The following RBX1 variants were observed in gnomAD, a reference collection of about 807,000 sequenced individuals.
RBX1 encodes the protein ring-box 1, also known as E3 ubiquitin-protein ligase RBX1.
For synonymous variants in RBX1, 48 were observed against 47.9 expected, an observed-to-expected ratio of 1.00 and a Z score of -0.01; for missense variants, 46 against 141.4, an observed-to-expected ratio of 0.33 and a Z score of 3.42.
chr22:40,954,960 T>G (rs933052737), intron 2 of RBX1, among the ~76,000 whole-genome samples: 2 of 152,116 alleles, frequency 1.3e-5, no homozygotes, highest in Non-Finnish European at 2.9e-5. Context: ...CTAATTTTTG[T>G]ATTTTTAGTA....
chr22:40,969,783 A>C (rs1312088297), intron 4 of RBX1, among the ~76,000 whole-genome samples: 2 of 151,702 alleles, frequency 1.3e-5, no homozygotes, highest in African/African-American at 2.4e-5. Context: ...CAGTTACTCC[A>C]GAGGCTGAGG....
At chr22:40,958,071 T>A (rs1601535540) in intron 2 of RBX1, among the ~76,000 whole-genome samples, 1 of 152,096 alleles carries the variant, frequency 6.6e-6, no homozygotes, top group East Asian at 1.9e-4. Context: ...TGATCACCCA[T>A]CTCGGCCCCC....
At chr22:40,968,960 CTT>C (rs751505007) in intron 4 of RBX1, among the ~76,000 whole-genome samples, 3 of 150,722 alleles carry the variant, frequency 2.0e-5, no homozygotes, top group Non-Finnish European at 2.9e-5. Context: ...TGTACCTTAA[CTT>C]TTTTCTTTTC....
chr22:40,972,532 T>A lies in RBX1; in HGVS notation c.*44T>A. The A allele has an allele frequency of 6.5e-7, 1 of 1,534,452 alleles. No homozygotes were observed. The highest frequency in any genetic ancestry group is 9.0e-7 in the Non-Finnish European group (1 of 1,108,226). On this transcript the variant is annotated 3_prime_UTR_variant, in exon 5 of 5. Transcript: ENST00000216225. Reference sequence around the variant, plus strand: ...AAGCTTAATTGTTTTGTTATTCATTTAATGACTTTCCCTGCTGTTACCTAA... The same window carrying A: ...AAGCTTAATTGTTTTGTTATTCATTAAATGACTTTCCCTGCTGTTACCTAA...
chr22:40,958,218 C>A (rs904650704), intron 2 of RBX1, among the ~76,000 whole-genome samples: 1 of 151,780 alleles, frequency 6.6e-6, no homozygotes, highest in African/African-American at 2.4e-5. Flanking sequence ...CCTTGCCCTT[C>A]CAAAACACTG....
intron 1 of RBX1, among the ~76,000 whole-genome samples, chr22:40,951,819 G>T (rs1601532944): frequency 6.9e-6 from 1 of 145,008 alleles, no homozygotes; most frequent in African/African-American, 2.5e-5. Flanking sequence ...GGTGGGGTGG[G>T]TGGAATGGGG....
intron 4 of RBX1, among the ~76,000 whole-genome samples, chr22:40,971,648 C>G (rs778901423): frequency 2.0e-5 from 3 of 151,876 alleles, no homozygotes; most frequent in Non-Finnish European, 2.9e-5. Flanking sequence ...CCTCCAACTC[C>G]CGGGTTGAAG....
chr22:40,953,686 G>A (rs1176931015), intron 2 of RBX1, 53 bp downstream of exon 2: 3 of 1,290,900 alleles, frequency 2.3e-6, no homozygotes, highest in Non-Finnish European at 3.4e-6. Flanking sequence ...AGAGATTGTG[G>A]CTATCTTGAT....
chr22:40,951,921 C>A (rs1224716286), intron 1 of RBX1, among the ~76,000 whole-genome samples: 1 of 151,974 alleles, frequency 6.6e-6, no homozygotes, highest in African/African-American at 2.4e-5. Context: ...TGAGGACCCC[C>A]CTTGGTGATC....
intron 4 of RBX1, among the ~76,000 whole-genome samples, chr22:40,968,118 T>G (rs2058359114): frequency 7.6e-6 from 1 of 132,288 alleles, no homozygotes; most frequent in Non-Finnish European, 1.6e-5. Flanking sequence ...TGAGACGGAG[T>G]CTCGCTTTGT....
At chr22:40,961,616 G>T (rs948250169) in intron 2 of RBX1, among the ~76,000 whole-genome samples, 1 of 151,834 alleles carries the variant, frequency 6.6e-6, no homozygotes, top group African/African-American at 2.4e-5. Flanking sequence ...ATGTTAGCCA[G>T]GATGGGCTCG....
At chr22:40,952,982 CCTTTTTTTTTT>C (rs2058315387) in intron 1 of RBX1, among the ~76,000 whole-genome samples, 1 of 130,094 alleles carries the variant, frequency 7.7e-6, no homozygotes, top group African/African-American at 2.9e-5. Flanking sequence ...AAGTTTGTGC[CCTTTTTTTTTT>C]TTTTTTTTTT....
chr22:40,956,128 TA>T (rs1448366446), intron 2 of RBX1, among the ~76,000 whole-genome samples: 1 of 152,158 alleles, frequency 6.6e-6, no homozygotes, highest in Non-Finnish European at 1.5e-5. Flanking sequence ...ATGTACTTCT[TA>T]AAAGGACCAC....
intron 2 of RBX1, among the ~76,000 whole-genome samples, chr22:40,954,555 A>G (rs1231521048): frequency 6.6e-6 from 1 of 152,166 alleles, no homozygotes; most frequent in Non-Finnish European, 1.5e-5. Context: ...CACACCAGGA[A>G]CAGTTGAGGT....
At position 40,951,420 on chromosome 22, in the gene RBX1, G is replaced by T; in HGVS notation, c.22G>T (p.Asp8Tyr). The change falls in exon 1 of 5, where the codon GAT (aspartate) becomes TAT (tyrosine). Residue 8 changes from aspartate to tyrosine, a missense_variant. By Grantham distance (160) the Asp-to-Tyr change is radical. Coordinates refer to ENST00000216225, the MANE Select transcript of RBX1 (RefSeq NM_014248.4). ...CAAAATGGCGGCAGCGATGGATGTG[G>T]ATACCCCGAGCGGCACCAACAGCGG... MAAAMDV[D>Y]TPSGTNSGAG... 6.2e-7 allele frequency: 1 copy of T among 1,613,462 alleles called. No homozygotes were observed.
At position 40,967,790 on chromosome 22, in the gene RBX1, T is replaced by A. The variant is rs1358367423; in HGVS notation, c.229-9T>A. ...AGTTATTTTTAATAAAATATATGTT[T>A]TCTTTCAGCATGCTTTTCACTTCCA... is the stretch of plus-strand genomic sequence containing the variant. On this transcript the variant is annotated splice_polypyrimidine_tract_variant and intron_variant, in intron 3 of 4. Transcript: ENST00000216225. 1 of 1,612,134 alleles carries A rather than the reference T, an allele frequency of 6.2e-7. No individual in the cohort carries two copies. Among genetic ancestry groups the A allele is most frequent in the Admixed American group, 1.7e-5 (1 of 59,994 alleles).
chr22:40,965,756 C>G (rs1023344214), intron 3 of RBX1, among the ~76,000 whole-genome samples: 3 of 152,174 alleles, frequency 2.0e-5, no homozygotes, highest in Admixed American at 2.0e-4. Context: ...CCCGCACTTT[C>G]GGGTACACCT....
At chr22:40,967,743 C>CTCGATGT in intron 3 of RBX1, 56 bp from the exon 4 acceptor site, 1 of 1,467,002 alleles carries the variant, frequency 6.8e-7, no homozygotes, top group Non-Finnish European at 9.5e-7. Context: ...CCTGTTGTCG[C>CTCGATGT]TCGATGGCTG....
chr22:40,969,446 G>A (rs1476634193), intron 4 of RBX1, among the ~76,000 whole-genome samples: 1 of 152,008 alleles, frequency 6.6e-6, no homozygotes, highest in Non-Finnish European at 1.5e-5. Context: ...TCCTAAAAGA[G>A]GAATTTATGG....
Sources: allele counts gnomAD v4.1 joint callset (sites outside exome capture counted in the v4.1 genomes callset), GRCh38; gene constraint gnomAD v4.1.1; transcripts MANE v1.5; gene names NCBI Gene and HGNC (gene_info 2026-07-23, HGNC 2026-07-21).